Variants in NCR1 observed in about 807,000 individuals in gnomAD.
NCR1 encodes the protein natural cytotoxicity triggering receptor 1.
NCR1 carries 30 observed loss-of-function variants against 32.5 expected under a neutral mutation model. That is an observed-to-expected ratio of 0.92 (90% CI 0.69 to 1.25). The LOEUF (loss-of-function observed/expected upper bound fraction) is 1.25. Ranked by LOEUF, NCR1 falls within the 50% of genes most tolerant of loss-of-function variation. NCR1 has a pLI of 0.00. For synonymous variants in NCR1, 169 were observed against 143.4 expected (o/e 1.18, Z -1.28); for missense variants, 369 against 380.7 (o/e 0.97, Z 0.26).
At chr19:54,922,613 A>G in the NCR1 span, among the ~76,000 whole-genome samples, 1 of 151,970 alleles carries the variant, frequency 6.6e-6, no homozygotes, top group African/African-American at 2.4e-5. Flanking sequence ...CCCCGTCTCT[A>G]GTAAGAATAC....
At chr19:54,902,961 CT>C (rs2067326688), upstream of NCR1, among the ~76,000 whole-genome samples, 1 of 151,754 alleles carries the variant, frequency 6.6e-6, no homozygotes, top group South Asian at 2.1e-4. Flanking sequence ...GAAACCCTGT[CT>C]CTACTAAAAA....
At chr19:54,918,554 G>A (rs73603926), downstream of NCR1, among the ~76,000 whole-genome samples, 3,053 of 152,132 alleles carry the variant, frequency 0.02, 81 homozygotes, top group African/African-American at 0.063. Context: ...GATTACAGGC[G>A]TGAGCGACCA....
rs780574286 is a variant in NCR1, at chr19:54,909,273, T to A, written c.384T>A (p.Val128=). 6.2e-7 allele frequency: 1 copy of A among 1,613,680 alleles called. No homozygotes were observed. The highest frequency in any genetic ancestry group is 8.5e-7 in the Non-Finnish European group (1 of 1,179,674). ...TGTATGACACACCCACCCTCTCGGT[T>A]CATCCTGGACCCGAAGTGATCTCGG... ...TEMYDTPTLS[V]HPGPEVISGE... Residue 128 remains valine (V), a synonymous_variant, in exon 4 of 7, where the codon GTT becomes GTA. Coordinates refer to ENST00000291890, the MANE Select transcript of NCR1 (RefSeq NM_004829.7).
chr19:54,904,511 G>A (rs897192959), upstream of NCR1, among the ~76,000 whole-genome samples: 19 of 144,612 alleles, frequency 1.3e-4, no homozygotes, highest in Non-Finnish European at 2.4e-4. Context: ...GTGAGAACAT[G>A]TGGTATTTGG....
the NCR1 span, chr19:54,934,694 A>G: frequency 1.3e-6 from 2 of 1,570,486 alleles, no homozygotes; most frequent in East Asian, 2.3e-5. This position sits in a 1 kb window ranked among gnomAD's most constrained non-coding sequence, Gnocchi z 6.7. Flanking sequence ...TTCTTCTGGG[A>G]GGACAGAGTA....
the NCR1 span, chr19:54,934,440 T>C: frequency 6.3e-7 from 1 of 1,596,558 alleles, no homozygotes; most frequent in South Asian, 1.1e-5. This position sits in a 1 kb window ranked among gnomAD's most constrained non-coding sequence, Gnocchi z 6.7. Context: ...CTTTCTCTTC[T>C]ATAGCCCCAG....
upstream of NCR1, among the ~76,000 whole-genome samples, chr19:54,903,095 A>G (rs2067329673): frequency 1.3e-5 from 2 of 151,948 alleles, no homozygotes; most frequent in South Asian, 4.2e-4. Context: ...GCACCACTGC[A>G]CCCCAGCTTG....
downstream of NCR1, among the ~76,000 whole-genome samples, chr19:54,914,743 CTTTTT>C (rs58541136): frequency 0.041 from 5,880 of 143,408 alleles, 187 homozygotes; most frequent in Middle Eastern, 0.18. Context: ...AAAGATAGCA[CTTTTT>C]TTTTTTTTTT....
At chr19:54,923,575 C>T in the NCR1 span, 14 of 774,468 alleles carry the variant, frequency 1.8e-5, no homozygotes, top group South Asian at 1.5e-5. Flanking sequence ...GAAGGGGGTG[C>T]GTGACTCGTG....
the NCR1 span, chr19:54,936,407 G>A: frequency 1.0e-4 from 162 of 1,613,950 alleles, no homozygotes; most frequent in Admixed American, 1.2e-4. Flanking sequence ...CCCGGTACGC[G>A]GTGTCAGGGG....
the NCR1 span, among the ~76,000 whole-genome samples, chr19:54,931,387 T>C: frequency 6.6e-6 from 1 of 152,020 alleles, no homozygotes; most frequent in African/African-American, 2.4e-5. Context: ...TGAAACCCCA[T>C]CTTTACTAAA....
upstream of NCR1, chr19:54,906,122 A>G (rs1182607530): frequency 5.0e-6 from 8 of 1,604,856 alleles, no homozygotes; most frequent in South Asian, 1.1e-5. Flanking sequence ...CTTCCTGTGT[A>G]TCTATCTCCC....
chr19:54,912,181 C>G lies in NCR1; in HGVS notation c.696C>G (p.Gly232=), dbSNP rs1201824568. The part of the protein sequence containing the change: ...EDPTFPADTW[G]TYLLTTETGL... Reference sequence around the variant, plus strand: ...CCTTATCATCAGCAGACACTTGGGGCACCTACCTTTTAACCACAGAGACGG... The same window carrying G: ...CCTTATCATCAGCAGACACTTGGGGGACCTACCTTTTAACCACAGAGACGG... Residue 232 remains glycine, a synonymous_variant, in exon 6 of 7, where the codon GGC becomes GGG. Transcript: ENST00000291890. The G allele has an allele frequency of 6.2e-7, 1 of 1,613,928 alleles. No individual in the cohort carries two copies. Among genetic ancestry groups the G allele is most frequent in the African/African-American group, 1.3e-5 (1 of 74,980 alleles).
chr19:54,928,195 G>A, the NCR1 span, among the ~76,000 whole-genome samples: 2 of 152,108 alleles, frequency 1.3e-5, no homozygotes, highest in Admixed American at 6.6e-5. Flanking sequence ...ACTCCAGCCT[G>A]GGCAATAGAA....
At chr19:54,908,528 G>A (rs779963152) in intron 3 of NCR1, among the ~76,000 whole-genome samples, 86 of 152,194 alleles carry the variant, frequency 5.7e-4, no homozygotes, top group Non-Finnish European at 9.1e-4. Flanking sequence ...GGTGGCGGCC[G>A]GGCAGAGGGG....
intron 2 of NCR1, 38 bp downstream of exon 2, chr19:54,906,372 G>A (rs371160534): frequency 1.2e-5 from 19 of 1,610,940 alleles, no homozygotes; most frequent in Non-Finnish European, 1.6e-5. Flanking sequence ...CACTCTTCCG[G>A]ATTCAGGCCA....
chr19:54,922,560 C>T, the NCR1 span, among the ~76,000 whole-genome samples: 2 of 151,786 alleles, frequency 1.3e-5, no homozygotes, highest in Non-Finnish European at 1.5e-5. Flanking sequence ...GGTAGATCAC[C>T]TGAGGTCAGG....
chr19:54,910,194 T>C, intron 5 of NCR1, 129 bp downstream of exon 5: 1 of 873,890 alleles, frequency 1.1e-6, no homozygotes, highest in South Asian at 1.5e-5. Flanking sequence ...CCCAGCACTT[T>C]GGGAGGCCGA....
At chr19:54,917,223 G>A (rs2068153679), downstream of NCR1, among the ~76,000 whole-genome samples, 1 of 151,452 alleles carries the variant, frequency 6.6e-6, no homozygotes, top group African/African-American at 2.4e-5. Context: ...GCTGAGGCAG[G>A]AGAATCGTTC....
Sources: allele counts gnomAD v4.1 joint callset (sites outside exome capture counted in the v4.1 genomes callset), GRCh38; gene constraint gnomAD v4.1.1; non-coding constraint Gnocchi (gnomAD v3.1); transcripts MANE v1.5; gene names NCBI Gene and HGNC (gene_info 2026-07-23, HGNC 2026-07-21).